Variants in SEPTIN14 observed in about 807,000 individuals in gnomAD.
The protein encoded by SEPTIN14 is septin 14.
In SEPTIN14, 40 loss-of-function variants were observed where a neutral mutation model predicts 53.6. The ratio of observed to expected loss-of-function variants is 0.75; its 90% CI spans 0.58 to 0.97. The LOEUF (loss-of-function observed/expected upper bound fraction) is 0.97. SEPTIN14 is among the 50% of genes least tolerant of loss of function. The pLI is 0.00. For synonymous variants in SEPTIN14, 138 were observed against 166.8 expected (o/e 0.83, Z 1.33); for missense variants, 471 against 508.2 (o/e 0.93, Z 0.70).
chr7:55,855,198 T>C (rs1789595554), intron 2 of SEPTIN14, among the ~76,000 whole-genome samples: 1 of 151,698 alleles, frequency 6.6e-6, no homozygotes, highest in Non-Finnish European at 1.5e-5. Context: ...TTAGTAGAGG[T>C]GGGGTTTCAC....
At chr7:55,849,532 G>A (rs966928429) in intron 2 of SEPTIN14, among the ~76,000 whole-genome samples, 1 of 151,796 alleles carries the variant, frequency 6.6e-6, no homozygotes, top group African/African-American at 2.4e-5. Context: ...GATCACCTGA[G>A]GTCAGGAGTT....
At chr7:55,855,322 T>A (rs1366863996) in intron 2 of SEPTIN14, among the ~76,000 whole-genome samples, 4 of 152,052 alleles carry the variant, frequency 2.6e-5, no homozygotes, top group Non-Finnish European at 5.9e-5. Context: ...CACAACTTTT[T>A]AAAAACTCAT....
intron 6 of SEPTIN14, among the ~76,000 whole-genome samples, chr7:55,832,170 C>T (rs1206846491): frequency 6.6e-6 from 1 of 151,258 alleles, no homozygotes; most frequent in African/African-American, 2.4e-5. Context: ...CACTGAACTC[C>T]AGCCTGAGTG....
chr7:55,839,299 G>A (rs999038258), intron 5 of SEPTIN14, among the ~76,000 whole-genome samples: 1 of 150,394 alleles, frequency 6.6e-6, no homozygotes, highest in African/African-American at 2.5e-5. Flanking sequence ...TGAGGCAGGA[G>A]AATCACTTGA....
intron 2 of SEPTIN14, among the ~76,000 whole-genome samples, chr7:55,861,178 G>A (rs757049309): frequency 6.6e-6 from 1 of 152,172 alleles, no homozygotes; most frequent in Non-Finnish European, 1.5e-5. Flanking sequence ...CAGTCCCTGA[G>A]AAATTCCTCT....
In SEPTIN14 at chr7:55,807,165, T is replaced by C; in HGVS notation, c.911A>G (p.His304Arg). 1 of 1,610,882 alleles carries C rather than the reference T, an allele frequency of 6.2e-7. No homozygotes were observed. The part of the protein sequence containing the change: ...ENLKEKTHTQ[H>R]YECYRYQKLQ... ...TTTTTGGTACCTATAACATTCATAG[T>C]GCTGAGTGTGGGTTTTTTCTTTTAG... is the stretch of plus-strand genomic sequence containing the variant. The change falls in exon 8 of 10, where the codon CAC becomes CGC. Residue 304 changes from histidine (H) to arginine (R), a missense_variant. Physicochemically the swap from His to Arg is conservative, Grantham distance 29. Transcript: ENST00000388975.
At chr7:55,823,888 CTT>C (rs34934744) in intron 6 of SEPTIN14, among the ~76,000 whole-genome samples, 272 of 134,314 alleles carry the variant, frequency 2.0e-3, no homozygotes, top group Middle Eastern at 3.9e-3. Context: ...AAGGTAAATT[CTT>C]TTTTTTTTTT....
intron 8 of SEPTIN14, among the ~76,000 whole-genome samples, chr7:55,805,831 T>C (rs1788602469): frequency 6.6e-6 from 1 of 152,176 alleles, no homozygotes; most frequent in South Asian, 2.1e-4. Flanking sequence ...CAGGGAAACC[T>C]CTAATGTATG....
At chr7:55,844,925 T>C (rs1021726457) in intron 3 of SEPTIN14, among the ~76,000 whole-genome samples, 1 of 151,424 alleles carries the variant, frequency 6.6e-6, no homozygotes, top group African/African-American at 2.4e-5. Flanking sequence ...TTTTTTTTTT[T>C]ACTTTTATTT....
At chr7:55,828,915 T>C (rs1052646617) in intron 6 of SEPTIN14, among the ~76,000 whole-genome samples, 3 of 152,104 alleles carry the variant, frequency 2.0e-5, no homozygotes, top group African/African-American at 7.2e-5. Context: ...ATGTTTCCAA[T>C]CTTTTTACCT....
chr7:55,833,693 G>A (rs1334618298), intron 6 of SEPTIN14, among the ~76,000 whole-genome samples: 1 of 152,138 alleles, frequency 6.6e-6, no homozygotes, highest in Non-Finnish European at 1.5e-5. Context: ...GGGCAACAGA[G>A]TGAGACTCTG....
intron 6 of SEPTIN14, among the ~76,000 whole-genome samples, chr7:55,833,272 G>A (rs193214354): frequency 2.0e-5 from 3 of 151,464 alleles, no homozygotes; most frequent in East Asian, 3.9e-4. Context: ...CTGAGATTGC[G>A]CCACTGCACT....
rs200284103 is a variant in SEPTIN14 at position 55,846,543 on chromosome 7, C to A, written c.149G>T (p.Gly50Val). ...CACACAGAGAATATTAAAAGTGAAT[C>A]CTTGTCGGATAGATCTGCTCACCAA... The part of the protein sequence containing the change: ...NQLVSRSIRQ[G>V]FTFNILCVGE... The change falls in exon 3 of 10, where the codon GGA becomes GTA. Residue 50 changes from glycine to valine, a missense_variant. Coordinates refer to ENST00000388975, the MANE Select transcript of SEPTIN14 (RefSeq NM_207366.3). The A allele has an allele frequency of 6.3e-7, 1 of 1,595,940 alleles. No homozygotes were observed. The highest frequency in any genetic ancestry group is 1.3e-5 in the African/African-American group (1 of 74,208).
chr7:55,847,512 G>A lies in SEPTIN14; in HGVS notation c.55-875C>T, dbSNP rs149047419. 2.8e-3 allele frequency among the ~76,000 whole-genome samples: 420 copies of A among 152,198 alleles called. 5 individuals are homozygous for A. The highest frequency in any genetic ancestry group is 0.01 in the Middle Eastern group (3 of 294). On this transcript the variant is annotated intron_variant, in intron 2 of 9. Transcript: ENST00000388975. ...TTATAGCTCAGCTTTGCCTGCCTTA[G>A]ACATGCTCAGAACACTTACATTAGC...
At chr7:55,815,893 C>CTTTTTG (rs1341765040) in intron 7 of SEPTIN14, among the ~76,000 whole-genome samples, 4 of 152,154 alleles carry the variant, frequency 2.6e-5, no homozygotes, top group African/African-American at 9.7e-5. Flanking sequence ...GAGATAGCTC[C>CTTTTTG]ACTCCCATGT....
chr7:55,795,755 A>G lies in SEPTIN14; in HGVS notation c.*158T>C, dbSNP rs1244617863. On this transcript the variant is annotated 3_prime_UTR_variant, in exon 10 of 10. Coordinates refer to ENST00000388975, the MANE Select transcript of SEPTIN14 (RefSeq NM_207366.3). ...AGTGCTGGGATTACAGGCATGAGCC[A>G]CCACACCCCGCTAGGAGTTCACACT... 3.2e-6 allele frequency: 2 copies of G among 634,706 alleles called. No homozygotes were observed. The highest frequency in any genetic ancestry group is 5.4e-6 in the Non-Finnish European group (2 of 368,156). 39.3% of individuals were successfully genotyped at this position (634,706 alleles called of 1,614,324 possible).
intron 6 of SEPTIN14, among the ~76,000 whole-genome samples, chr7:55,832,169 C>G (rs1789118725): frequency 6.6e-6 from 1 of 151,186 alleles, no homozygotes; most frequent in Non-Finnish European, 1.5e-5. Flanking sequence ...CCACTGAACT[C>G]CAGCCTGAGT....
intron 6 of SEPTIN14, among the ~76,000 whole-genome samples, chr7:55,830,233 T>C (rs1181360761): frequency 1.3e-5 from 2 of 149,118 alleles, no homozygotes; most frequent in East Asian, 3.9e-4. Context: ...ATTCCTTACA[T>C]GTAGGCTCAA....
chr7:55,842,918 A>AG, intron 5 of SEPTIN14, 24 bp downstream of exon 5: 2 of 1,427,986 alleles, frequency 1.4e-6, no homozygotes, highest in Admixed American at 2.9e-5. Flanking sequence ...AAAAAAAAAA[A>AG]GATGGTAGAT....
Sources: allele counts gnomAD v4.1 joint callset (sites outside exome capture counted in the v4.1 genomes callset), GRCh38; gene constraint gnomAD v4.1.1; transcripts MANE v1.5; gene names NCBI Gene and HGNC (gene_info 2026-07-23, HGNC 2026-07-21).